ULK2: variants seen among roughly 807,000 people sequenced by gnomAD.
The protein encoded by ULK2 is serine/threonine-protein kinase ULK2.
Under a neutral mutation model 127.5 loss-of-function variants are expected in ULK2, and 76 were observed. The ratio of observed to expected loss-of-function variants is 0.60; its 90% confidence interval spans 0.50 to 0.72. The LOEUF is 0.72. Among genes scored for constraint, ULK2 ranks in the 30% least tolerant of loss-of-function variants. The pLI, the probability that ULK2 is intolerant of heterozygous loss-of-function variation, is 0.00. For synonymous variants in ULK2, 452 were observed against 461.9 expected (o/e 0.98, Z 0.28); for missense variants, 1,144 against 1,295.9 (o/e 0.88, Z 1.80).
chr17:19,858,137 C>T (rs937289263), intron 3 of ULK2, among the ~76,000 whole-genome samples: 8 of 152,066 alleles, frequency 5.3e-5, no homozygotes, highest in South Asian at 4.1e-4. Flanking sequence ...TGGTGGCTCA[C>T]GCCTGTAATC....
intron 12 of ULK2, among the ~76,000 whole-genome samples, chr17:19,822,987 G>T (rs2041196506): frequency 1.4e-5 from 2 of 148,010 alleles, no homozygotes; most frequent in Non-Finnish European, 1.5e-5. Flanking sequence ...CACCCAGCCG[G>T]ATTTTTTTTT....
intron 10 of ULK2, among the ~76,000 whole-genome samples, chr17:19,832,085 G>A (rs905996081): frequency 3.3e-5 from 5 of 151,368 alleles, no homozygotes; most frequent in Admixed American, 6.6e-5. Context: ...CCAAGATGAC[G>A]CCACTGCACT....
intron 16 of ULK2, among the ~76,000 whole-genome samples, chr17:19,800,303 A>C (rs559559507): frequency 6.6e-6 from 1 of 152,256 alleles, no homozygotes; most frequent in South Asian, 2.1e-4. Flanking sequence ...GAGAATTAAA[A>C]CTAACACAGA....
At chr17:19,865,885 A>C in intron 1 of ULK2, 57 bp from the exon 2 acceptor site, 1 of 1,096,804 alleles carries the variant, frequency 9.1e-7, no homozygotes, top group South Asian at 1.5e-5. Flanking sequence ...TAACAGAAAA[A>C]AATTTACAAG....
At chr17:19,837,067 G>A (rs1300028010) in intron 10 of ULK2, among the ~76,000 whole-genome samples, 2 of 151,628 alleles carry the variant, frequency 1.3e-5, no homozygotes, top group African/African-American at 2.4e-5. Context: ...GTCCAGCCTG[G>A]GTAACAGAGT....
rs570464812 is a variant in ULK2 at position 19,848,555 on chromosome 17, G to A, written c.295+814C>T. ...GCACTTTGGGAGGCTGAGGCGGGCC[G>A]ATCACGAGGTCAGGAGTTCGAGACC... On this transcript the variant is annotated intron_variant, in intron 5 of 26. Coordinates refer to ENST00000395544, the MANE Select transcript of ULK2 (RefSeq NM_014683.4). Among the ~76,000 whole-genome samples the A allele has an allele frequency of 2.9e-4, 44 of 152,192 alleles. 1 individual carries two copies. The South Asian group carries it at 4.1e-3, about 14-fold the overall frequency.
intron 9 of ULK2, among the ~76,000 whole-genome samples, chr17:19,839,533 C>T (rs758462621): frequency 8.6e-5 from 13 of 151,414 alleles, no homozygotes; most frequent in Non-Finnish European, 1.9e-4. Flanking sequence ...GTGTGGTAGC[C>T]TGCCTGTAGT....
intron 3 of ULK2, among the ~76,000 whole-genome samples, chr17:19,860,123 C>T (rs1051519243): frequency 3.8e-5 from 5 of 133,180 alleles, no homozygotes; most frequent in Non-Finnish European, 6.1e-5. Flanking sequence ...GCTTTAAAAA[C>T]TAAGTATAAA....
chr17:19,777,611 C>T lies in ULK2; in HGVS notation c.3022G>A (p.Asp1008Asn), dbSNP rs773032151. ...TGCACATTTTCAATATCTGCAGGGT[C>T]CTGTAGAATCCTACTTAGGCCTTCC... ...LLEGLSRILQDPADIENVHKY... is the reference protein window; with the variant it reads ...LLEGLSRILQNPADIENVHKY... The change falls in exon 26 of 27, where the codon GAC becomes AAC. Residue 1008 changes from aspartate to asparagine, a missense_variant. Physicochemically the swap from Asp to Asn is conservative, Grantham distance 23 (BLOSUM62 1). This residue lies in a region of ULK2 where 913 missense variants were observed against 970.5 expected (regional missense o/e 0.94). Transcript: ENST00000395544. 1 of 1,613,226 alleles carries T rather than the reference C, an allele frequency of 6.2e-7. No individual in the cohort carries two copies. The highest frequency in any genetic ancestry group is 8.5e-7 in the Non-Finnish European group (1 of 1,179,812).
Position 19,795,123 on chromosome 17 carries a change from C to T in ULK2, c.2101+499G>A, listed in dbSNP as rs142476492. On this transcript the variant is annotated intron_variant, in intron 20 of 26. Transcript: ENST00000395544. The stretch of plus-strand genomic sequence containing the variant: ...AATTTAAGCAAGCAAGTCTGGAATA[C>T]GGAATTACAGTCTAGAATCTCCATT... 6.8e-4 allele frequency among the ~76,000 whole-genome samples: 104 copies of T among 151,860 alleles called. 1 individual carries two copies. The East Asian group carries it at 0.017, about 25-fold the overall frequency.
intron 6 of ULK2, among the ~76,000 whole-genome samples, chr17:19,846,127 GACAA>G (rs1179382691): frequency 1.3e-5 from 2 of 150,968 alleles, no homozygotes; most frequent in East Asian, 3.9e-4. Context: ...CTCCATCTCA[GACAA>G]ACAAACAAAA....
At chr17:19,866,235 C>T (rs2042348127) in intron 1 of ULK2, among the ~76,000 whole-genome samples, 1 of 152,090 alleles carries the variant, frequency 6.6e-6, no homozygotes, top group Non-Finnish European at 1.5e-5. Context: ...TGGCTCACAC[C>T]TGTAATCCCA....
chr17:19,812,636 A>G (rs73295821), intron 13 of ULK2, among the ~76,000 whole-genome samples: 2,478 of 152,326 alleles, frequency 0.016, 72 homozygotes, highest in African/African-American at 0.056. Context: ...ACCCAGCATC[A>G]CAAGAGAGTT....
intron 23 of ULK2, among the ~76,000 whole-genome samples, chr17:19,781,563 C>G (rs2086920816): frequency 6.6e-6 from 1 of 152,058 alleles, no homozygotes; most frequent in Admixed American, 6.6e-5. Context: ...TCCTTAATTT[C>G]TTAATGCACA....
chr17:19,802,064 TAA>T, intron 15 of ULK2, 142 bp from the exon 16 acceptor site: 8 of 912,610 alleles, frequency 8.8e-6, no homozygotes, highest in Non-Finnish European at 1.2e-5. Flanking sequence ...ATAAGATGCA[TAA>T]AAAGAGTGAG....
chr17:19,823,712 C>T (rs537819756), intron 12 of ULK2, among the ~76,000 whole-genome samples: 22 of 152,262 alleles, frequency 1.4e-4, no homozygotes, highest in Non-Finnish European at 1.3e-4. Context: ...ACTGACCGGC[C>T]CAAAGTCACT....
At chr17:19,831,762 G>A (rs944486384) in intron 10 of ULK2, among the ~76,000 whole-genome samples, 2 of 152,110 alleles carry the variant, frequency 1.3e-5, no homozygotes, top group Admixed American at 6.6e-5. Context: ...AGGAGGCAGG[G>A]GTTGTAGTGA....
At chr17:19,841,658 C>A in intron 8 of ULK2, 111 bp from the exon 9 acceptor site, 1 of 745,330 alleles carries the variant, frequency 1.3e-6, no homozygotes, top group South Asian at 2.1e-5. Flanking sequence ...GTGGGAGTTT[C>A]AAGGAAGGGA....
intron 17 of ULK2, among the ~76,000 whole-genome samples, chr17:19,798,719 A>G (rs905297291): frequency 3.3e-5 from 5 of 152,158 alleles, no homozygotes; most frequent in African/African-American, 4.8e-5. Flanking sequence ...TAACTGGCCA[A>G]CTCCTTAAAT....
Sources: gnomAD v4.1 joint callset for allele counts (sites outside exome capture counted in the v4.1 genomes callset) on GRCh38, gnomAD v4.1.1 for gene constraint, gnomAD v4.1.1 regional missense constraint, MANE v1.5 for transcripts, NCBI Gene and HGNC (gene_info 2026-07-23, HGNC 2026-07-21) for gene names.